DENND1B: variants seen among roughly 807,000 people sequenced by gnomAD.
DENND1B encodes the protein DENN domain-containing protein 1B.
Under a neutral mutation model 90.1 loss-of-function variants are expected in DENND1B, and 59 were observed. The ratio of observed to expected loss-of-function variants is 0.65; its 90% CI spans 0.53 to 0.81. The LOEUF is 0.81. Among genes scored for constraint, DENND1B ranks in the 40% least tolerant of loss-of-function variants. The probability of loss-of-function intolerance (pLI) is 0.00; values close to 1 mark genes in which losing one functional copy is unlikely to be tolerated. For synonymous variants in DENND1B, 337 were observed against 324.6 expected (o/e 1.04, Z -0.41); for missense variants, 862 against 912.6 (o/e 0.94, Z 0.71).
intron 3 of DENND1B, among the ~76,000 whole-genome samples, chr1:197,687,694 C>T (rs1020573335): frequency 6.6e-6 from 1 of 152,030 alleles, no homozygotes; most frequent in African/African-American, 2.4e-5. Context: ...ATATGAAAAA[C>T]TCACAGTTAA....
chr1:197,755,440 A>T (rs1654157901), intron 2 of DENND1B, among the ~76,000 whole-genome samples: 1 of 152,190 alleles, frequency 6.6e-6, no homozygotes, highest in Admixed American at 6.5e-5. Context: ...GAAAAAAAAA[A>T]TACAATGGTA....
chr1:197,548,915 T>C (rs907268442), intron 16 of DENND1B, among the ~76,000 whole-genome samples: 4 of 152,284 alleles, frequency 2.6e-5, no homozygotes, highest in Admixed American at 1.3e-4. Flanking sequence ...GGTAGATTCC[T>C]ATTTTAAAAG....
At chr1:197,758,732 A>G (rs1162485838) in intron 2 of DENND1B, among the ~76,000 whole-genome samples, 7 of 152,144 alleles carry the variant, frequency 4.6e-5, no homozygotes, top group African/African-American at 1.7e-4. Context: ...TTAGGCTTTT[A>G]GAAAATCGTG....
At chr1:197,557,512 G>C (rs540735631) in intron 15 of DENND1B, among the ~76,000 whole-genome samples, 28 of 151,964 alleles carry the variant, frequency 1.8e-4, no homozygotes, top group Middle Eastern at 3.4e-3. Flanking sequence ...TGTGATTTGA[G>C]CCAACAGAAA....
chr1:197,741,603 A>G (rs1458378124), intron 2 of DENND1B, among the ~76,000 whole-genome samples: 1 of 152,170 alleles, frequency 6.6e-6, no homozygotes, highest in East Asian at 1.9e-4. Context: ...TGCCATTACC[A>G]AAGATTTACT....
At chr1:197,575,567 C>A (rs141207713) in intron 15 of DENND1B, among the ~76,000 whole-genome samples, 2 of 152,138 alleles carry the variant, frequency 1.3e-5, no homozygotes, top group Non-Finnish European at 2.9e-5. Flanking sequence ...TTTGATCCAG[C>A]GATCCCATTA....
chr1:197,699,802 TA>T (rs1311806666), intron 3 of DENND1B, among the ~76,000 whole-genome samples: 6 of 151,808 alleles, frequency 4.0e-5, no homozygotes, highest in Non-Finnish European at 8.8e-5. Flanking sequence ...TCTATGCAAA[TA>T]AACTAGAAAT....
At chr1:197,638,744 G>T (rs1680010177) in intron 10 of DENND1B, among the ~76,000 whole-genome samples, 1 of 152,110 alleles carries the variant, frequency 6.6e-6, no homozygotes, top group Non-Finnish European at 1.5e-5. Context: ...AGATTCGCTT[G>T]GGGCTTAAAC....
At chr1:197,687,304 A>G (rs1174926933) in intron 3 of DENND1B, among the ~76,000 whole-genome samples, 1 of 152,186 alleles carries the variant, frequency 6.6e-6, no homozygotes, top group Non-Finnish European at 1.5e-5. Flanking sequence ...TACAAGAGTA[A>G]AGTGCTTGGG....
At chr1:197,770,633 A>AATATATATCTACAAATAC (rs1374327352) in intron 2 of DENND1B, among the ~76,000 whole-genome samples, 5 of 69,412 alleles carry the variant, frequency 7.2e-5, no homozygotes, top group African/African-American at 3.8e-4. Flanking sequence ...TATATATAAA[A>AATATATATCTACAAATAC]ATATATATCT....
At chr1:197,643,172 C>G (rs146773382) in intron 9 of DENND1B, among the ~76,000 whole-genome samples, 15 of 145,966 alleles carry the variant, frequency 1.0e-4, no homozygotes, top group Admixed American at 8.3e-4. Flanking sequence ...CAAGAATCTG[C>G]TTTTTTTTTT....
intron 2 of DENND1B, among the ~76,000 whole-genome samples, chr1:197,741,566 T>C (rs547486525): frequency 2.0e-5 from 3 of 152,296 alleles, no homozygotes; most frequent in East Asian, 1.9e-4. Flanking sequence ...AAAGTAATTA[T>C]AAAGTAACAC....
At chr1:197,547,703 A>G (rs1259665689) in intron 16 of DENND1B, among the ~76,000 whole-genome samples, 1 of 152,214 alleles carries the variant, frequency 6.6e-6, no homozygotes, top group Non-Finnish European at 1.5e-5. Flanking sequence ...GCCCTGTTTA[A>G]AAGGTGTGAG....
intron 15 of DENND1B, among the ~76,000 whole-genome samples, chr1:197,575,589 C>T (rs781396339): frequency 2.6e-5 from 4 of 152,128 alleles, no homozygotes; most frequent in Non-Finnish European, 5.9e-5. Flanking sequence ...TGGGTATTTA[C>T]CCAAAGGATT....
intron 9 of DENND1B, 47 bp downstream of exon 9, chr1:197,645,643 A>T (rs756416302): frequency 4.0e-6 from 5 of 1,243,814 alleles, no homozygotes; most frequent in Non-Finnish European, 4.3e-6. Context: ...CAAAATAAAC[A>T]AAATTAATAA....
intron 3 of DENND1B, among the ~76,000 whole-genome samples, chr1:197,674,382 G>A (rs528274756): frequency 6.6e-6 from 1 of 152,196 alleles, no homozygotes; most frequent in East Asian, 1.9e-4. Flanking sequence ...AGAAACCCCA[G>A]GGGGGAAAGG....
intron 3 of DENND1B, among the ~76,000 whole-genome samples, chr1:197,685,048 G>A (rs1027732732): frequency 6.6e-6 from 1 of 152,114 alleles, no homozygotes; most frequent in Non-Finnish European, 1.5e-5. Flanking sequence ...AACCCAGGGG[G>A]CAGAGGTTGC....
At chr1:197,514,133 A>T (rs1026382877) in intron 20 of DENND1B, among the ~76,000 whole-genome samples, 4 of 151,694 alleles carry the variant, frequency 2.6e-5, no homozygotes, top group Non-Finnish European at 5.9e-5. Context: ...CATGATAACG[A>T]CTGGCTAAAT....
chr1:197,595,385 G>A (rs764444622), intron 13 of DENND1B, 52 bp from the exon 14 acceptor site: 27 of 1,595,128 alleles, frequency 1.7e-5, no homozygotes, highest in African/African-American at 1.1e-4. Flanking sequence ...TTGGTACAGC[G>A]AGGTAGGAAC....
Sources: allele counts gnomAD v4.1 joint callset (sites outside exome capture counted in the v4.1 genomes callset), GRCh38; gene constraint gnomAD v4.1.1; transcripts MANE v1.5; gene names NCBI Gene and HGNC (gene_info 2026-07-23, HGNC 2026-07-21).